The following OPCML variants were observed in gnomAD, a reference collection of about 807,000 sequenced individuals.
The protein encoded by OPCML is opioid-binding protein/cell adhesion molecule.
In OPCML, 13 loss-of-function variants were observed where a neutral mutation model predicts 37.8. The observed-to-expected ratio is 0.34, with a 90% CI of 0.22 to 0.55. OPCML has a LOEUF of 0.55. Among genes scored for constraint, OPCML ranks in the 20% least tolerant of loss-of-function variants. The pLI is 0.91. For synonymous variants in OPCML, 176 were observed against 168.8 expected, an observed-to-expected ratio of 1.04 and a Z score of -0.33; for missense variants, 341 against 435.6, an observed-to-expected ratio of 0.78 and a Z score of 1.93.
intron 1 of OPCML, among the ~76,000 whole-genome samples, chr11:133,140,430 G>A (rs1395696799): frequency 6.3e-5 from 9 of 141,810 alleles, no homozygotes; most frequent in South Asian, 4.6e-4. Flanking sequence ...CAGAAGAATC[G>A]CTTGAATCTG....
intron 4 of OPCML, among the ~76,000 whole-genome samples, chr11:132,499,030 GA>G (rs1353808302): frequency 1.3e-5 from 2 of 152,228 alleles, no homozygotes; most frequent in Admixed American, 6.5e-5. Flanking sequence ...CATGCTCTCA[GA>G]ATTCTGTGAG....
intron 1 of OPCML, among the ~76,000 whole-genome samples, chr11:133,002,505 G>C (rs1248701977): frequency 1.3e-5 from 2 of 152,174 alleles, no homozygotes; most frequent in Non-Finnish European, 2.9e-5. Context: ...GGGGGTTCTT[G>C]CTTTCTTTAT....
intron 1 of OPCML, chr11:133,007,573 A>G (rs1055468292): frequency 7.1e-6 from 7 of 985,506 alleles, no homozygotes; most frequent in Non-Finnish European, 8.4e-6. Context: ...CTTCAGAGGT[A>G]AAACTTAAAA....
At chr11:133,085,410 C>G (rs1948804127) in intron 1 of OPCML, among the ~76,000 whole-genome samples, 1 of 152,206 alleles carries the variant, frequency 6.6e-6, no homozygotes, top group Non-Finnish European at 1.5e-5. Flanking sequence ...ATTCCCCACA[C>G]CAGACACTAA....
chr11:132,880,056 T>G (rs185110565), intron 2 of OPCML, among the ~76,000 whole-genome samples: 36 of 152,278 alleles, frequency 2.4e-4, no homozygotes, highest in African/African-American at 8.2e-4. Flanking sequence ...TCTCCCTCAC[T>G]TTTCCTTACT....
Position 132,685,599 on chromosome 11 carries a change from T to C in OPCML, c.147-28280A>G, listed in dbSNP as rs368163566. Among the ~76,000 whole-genome samples the C allele has an allele frequency of 3.9e-5, 6 of 152,198 alleles. No individual in the cohort carries two copies. The East Asian group carries it at 5.8e-4, about 15-fold the overall frequency. ...TTGGGAAGGAAACAGTAATTACATG[T>C]TTGAAGGAGTTATAATTGGATTTTA... On this transcript the variant is annotated intron_variant, in intron 2 of 7. Coordinates refer to ENST00000524381, the MANE Select transcript of OPCML (RefSeq NM_001012393.5).
chr11:132,907,103 G>A (rs80313668), intron 2 of OPCML, among the ~76,000 whole-genome samples: 11,067 of 152,094 alleles, frequency 0.073, 493 homozygotes, highest in Middle Eastern at 0.14. Context: ...CTAACATATC[G>A]TAAGAATTGC....
chr11:132,689,097 A>C lies in OPCML; in HGVS notation c.147-31778T>G, dbSNP rs556071142. On this transcript the variant is annotated intron_variant, in intron 2 of 7. Transcript: ENST00000524381. ...TGAGGATTACGTGTGACATGTAACA[A>C]ATCCCGGGAATGCTGTTTCAGTCTG... Among the ~76,000 whole-genome samples the C allele has an allele frequency of 3.9e-5, 6 of 152,232 alleles. No individual in the cohort carries two copies. In the South Asian group the frequency reaches 1.2e-3, roughly 32 times the overall value.
chr11:132,897,365 G>T (rs190172908), intron 2 of OPCML, among the ~76,000 whole-genome samples: 1 of 152,296 alleles, frequency 6.6e-6, no homozygotes, highest in Non-Finnish European at 1.5e-5. Context: ...ATCATGAACT[G>T]GGTGTCATCT....
At chr11:132,924,491 T>C (rs11223280) in intron 2 of OPCML, among the ~76,000 whole-genome samples, 31,881 of 152,222 alleles carry the variant, frequency 0.21, 4,093 homozygotes, top group Non-Finnish European at 0.3. Context: ...AAGACAAATC[T>C]GATCAATTTT....
intron 2 of OPCML, among the ~76,000 whole-genome samples, chr11:132,697,771 G>T (rs1301162823): frequency 6.6e-6 from 1 of 151,518 alleles, no homozygotes; most frequent in Admixed American, 6.6e-5. Flanking sequence ...ATTTCATTTT[G>T]TTTTTTTCTT....
chr11:132,594,593 A>G (rs180845316), intron 3 of OPCML, among the ~76,000 whole-genome samples: 316 of 152,318 alleles, frequency 2.1e-3, no homozygotes, highest in Non-Finnish European at 3.2e-3. Context: ...TATGAATACC[A>G]TATTCATTTC....
intron 1 of OPCML, among the ~76,000 whole-genome samples, chr11:132,986,425 T>C (rs1946682401): frequency 6.6e-6 from 1 of 152,192 alleles, no homozygotes; most frequent in African/African-American, 2.4e-5. Context: ...ACACATTCAA[T>C]AATAGAGTAG....
At position 133,146,905 on chromosome 11, in the gene OPCML, G is replaced by T. The variant is rs552822791; in HGVS notation, c.62-203895C>A. The stretch of plus-strand genomic sequence containing the variant: ...AGTTGAGATTACACTTCTAAAAAGA[G>T]CTGTCCAATTTATCAGCTATTCCCC... On this transcript the variant is annotated intron_variant, in intron 1 of 7. Coordinates refer to ENST00000524381, the MANE Select transcript of OPCML (RefSeq NM_001012393.5). Among the ~76,000 whole-genome samples, 6 of 152,332 alleles carry T rather than the reference G, an allele frequency of 3.9e-5. No individual in the cohort carries two copies. The East Asian group carries it at 9.6e-4, about 24-fold the overall frequency.
rs544840286 is a variant in OPCML at position 132,989,926 on chromosome 11, A to G, written c.62-46916T>C. Among the ~76,000 whole-genome samples, 4 of 152,252 alleles carry G rather than the reference A, an allele frequency of 2.6e-5. No homozygotes were observed. In the East Asian group the frequency reaches 7.7e-4, roughly 29 times the overall value. On this transcript the variant is annotated intron_variant, in intron 1 of 7. Coordinates refer to ENST00000524381, the MANE Select transcript of OPCML (RefSeq NM_001012393.5). The stretch of plus-strand genomic sequence containing the variant: ...AATACATTTATTTTATCACCCTTGG[A>G]TGATTTTCCTGGTGTACCAAGGTCA...
chr11:133,040,745 T>C (rs1212431633), intron 1 of OPCML, among the ~76,000 whole-genome samples: 4 of 151,958 alleles, frequency 2.6e-5, no homozygotes, highest in African/African-American at 9.7e-5. Flanking sequence ...CGTATGTGAC[T>C]GCGTCTCTCT....
chr11:132,950,704 A>G, intron 1 of OPCML, among the ~76,000 whole-genome samples: 1 of 152,188 alleles, frequency 6.6e-6, no homozygotes, highest in East Asian at 1.9e-4. Context: ...TGGAACCCTC[A>G]ATCTGGATCT....
intron 2 of OPCML, among the ~76,000 whole-genome samples, chr11:132,737,770 T>C (rs1591537637): frequency 6.6e-6 from 1 of 152,196 alleles, no homozygotes; most frequent in Non-Finnish European, 1.5e-5. Context: ...ACAAAACAAA[T>C]TTATTCCTTA....
chr11:132,856,358 T>TA (rs1370339477), intron 2 of OPCML, among the ~76,000 whole-genome samples: 1 of 152,186 alleles, frequency 6.6e-6, no homozygotes, highest in Non-Finnish European at 1.5e-5. Context: ...ACAGTCACAC[T>TA]GTTTTCCAAA....
Sources: gnomAD v4.1 joint callset for allele counts (sites outside exome capture counted in the v4.1 genomes callset) on GRCh38, gnomAD v4.1.1 for gene constraint, MANE v1.5 for transcripts, NCBI Gene and HGNC (gene_info 2026-07-23, HGNC 2026-07-21) for gene names.